Variants in SLC66A3 observed in about 807,000 individuals in gnomAD.
The protein encoded by SLC66A3 is PQ loop repeat containing 3.
In SLC66A3, 23 loss-of-function variants were observed where a neutral mutation model predicts 25.5. The ratio of observed to expected loss-of-function variants is 0.90; its 90% CI spans 0.65 to 1.28. The LOEUF is 1.28. SLC66A3 is among the 50% of genes most tolerant of loss of function. The pLI, the probability that SLC66A3 is intolerant of heterozygous loss-of-function variation, is 0.00. For synonymous variants in SLC66A3, 108 were observed against 112.6 expected, an observed-to-expected ratio of 0.96 and a Z score of 0.26; for missense variants, 246 against 262.1, an observed-to-expected ratio of 0.94 and a Z score of 0.42.
chr2:11,176,944 GAAGTT>G (rs1416127108), intron 6 of SLC66A3, among the ~76,000 whole-genome samples: 2 of 152,194 alleles, frequency 1.3e-5, no homozygotes, highest in African/African-American at 4.8e-5. Flanking sequence ...CCTTAAAGTA[GAAGTT>G]AAGTCACTGT....
chr2:11,172,528 A>AATAC (rs1183710723), intron 5 of SLC66A3, among the ~76,000 whole-genome samples: 1 of 152,200 alleles, frequency 6.6e-6, no homozygotes, highest in Non-Finnish European at 1.5e-5. Flanking sequence ...AACTACCTAA[A>AATAC]ATACATATAT....
intron 1 of SLC66A3, among the ~76,000 whole-genome samples, chr2:11,157,334 G>A (rs1344764714): frequency 1.3e-5 from 2 of 152,350 alleles, no homozygotes; most frequent in African/African-American, 2.4e-5. Flanking sequence ...AGTTGATCAC[G>A]TGCAGGTAAA....
chr2:11,164,346 T>TATATATA (rs1553289115), intron 4 of SLC66A3, 85 bp downstream of exon 4: 3 of 76,794 alleles, frequency 3.9e-5, no homozygotes, highest in Admixed American at 7.7e-4. Context: ...TATATATATA[T>TATATATA]TTTTTTTTTT....
At chr2:11,176,521 A>G (rs1470152146) in intron 6 of SLC66A3, among the ~76,000 whole-genome samples, 12 of 135,210 alleles carry the variant, frequency 8.9e-5, no homozygotes, top group Admixed American at 3.1e-4. Context: ...CGGCCTGGGA[A>G]TAACTTTTTT....
intron 4 of SLC66A3, among the ~76,000 whole-genome samples, chr2:11,166,367 A>G (rs941274889): frequency 2.6e-5 from 4 of 152,108 alleles, no homozygotes; most frequent in Non-Finnish European, 5.9e-5. Context: ...GACAGAAGTG[A>G]ACGTTTCTAC....
intron 4 of SLC66A3, 80 bp downstream of exon 4, chr2:11,164,341 A>ATTTTTTTTTTTT (rs1440192829): frequency 1.0e-3 from 123 of 121,052 alleles, no homozygotes; most frequent in African/African-American, 5.8e-3. Flanking sequence ...ATATATATAT[A>ATTTTTTTTTTTT]TATATTTTTT....
At chr2:11,161,532 T>C (rs1662130165) in intron 3 of SLC66A3, among the ~76,000 whole-genome samples, 1 of 152,012 alleles carries the variant, frequency 6.6e-6, no homozygotes, top group Non-Finnish European at 1.5e-5. Context: ...TAACCTTTTT[T>C]TTAAGAGACA....
intron 5 of SLC66A3, among the ~76,000 whole-genome samples, chr2:11,174,410 C>T (rs1300656336): frequency 6.6e-6 from 1 of 152,228 alleles, no homozygotes; most frequent in Non-Finnish European, 1.5e-5. Flanking sequence ...CCGCAGGCAG[C>T]GCTCGAGTAC....
At chr2:11,176,619 C>G (rs1403567738) in intron 6 of SLC66A3, among the ~76,000 whole-genome samples, 1 of 145,490 alleles carries the variant, frequency 6.9e-6, no homozygotes, top group Non-Finnish European at 1.5e-5. Flanking sequence ...AGCTCCGCCT[C>G]CCGGGTTCAC....
chr2:11,160,282 A>G lies in SLC66A3; in HGVS notation c.144-184A>G, dbSNP rs200234618. 3.2e-5 allele frequency: 20 copies of G among 632,554 alleles called. No individual in the cohort carries two copies. In the East Asian group the frequency reaches 5.5e-4, roughly 17 times the overall value. 39.2% of individuals were successfully genotyped at this position (632,554 alleles called of 1,614,324 possible). On this transcript the variant is annotated intron_variant, in intron 1 of 6. Transcript: ENST00000295083. ...TGCCCAGTAAGTTCTGGATGCTCCAAAAATTGTACAGATGATTCAACTGAA... is the reference window on the plus strand; with the variant it reads ...TGCCCAGTAAGTTCTGGATGCTCCAGAAATTGTACAGATGATTCAACTGAA...
At chr2:11,167,917 G>A (rs905778443) in intron 4 of SLC66A3, among the ~76,000 whole-genome samples, 1 of 152,162 alleles carries the variant, frequency 6.6e-6, no homozygotes, top group Non-Finnish European at 1.5e-5. Flanking sequence ...CCTAAACTGT[G>A]CTTTCATGGT....
intron 1 of SLC66A3, among the ~76,000 whole-genome samples, chr2:11,158,535 G>A (rs561633967): frequency 3.3e-5 from 5 of 152,336 alleles, no homozygotes; most frequent in African/African-American, 7.2e-5. Flanking sequence ...GGTGGCTGGC[G>A]CCTGTAGTCC....
In SLC66A3 at chr2:11,155,662, T is replaced by G. The variant is rs1351970686; in HGVS notation, c.116T>G (p.Leu39Arg). 6.8e-7 allele frequency: 1 copy of G among 1,470,060 alleles called. No homozygotes were observed. Among genetic ancestry groups the G allele is most frequent in the Non-Finnish European group, 9.0e-7 (1 of 1,117,210 alleles). The allele number at this position is 1,470,060 out of a possible 1,614,324, so 91.1% of individuals were successfully genotyped here. Residue 39 changes from leucine (L) to arginine (R), a missense_variant, in exon 1 of 7, where the codon CTT becomes CGT. By Grantham distance (102) the Leu-to-Arg change is moderately radical. This residue lies in a region of SLC66A3 where 142 missense variants were observed against 130.3 expected (regional missense o/e 1.09). Coordinates refer to ENST00000295083, the MANE Select transcript of SLC66A3 (RefSeq NM_152391.5). ...GCGCGCAGCGCGCGGGGCCTCAGCCTTCCGAGTTTACTTCTGGAGCTGGCA... is the reference window on the plus strand; with the variant it reads ...GCGCGCAGCGCGCGGGGCCTCAGCCGTCCGAGTTTACTTCTGGAGCTGGCA... The part of the protein sequence containing the change: ...LAARSARGLS[L>R]PSLLLELAGF...
intron 1 of SLC66A3, chr2:11,160,200 G>C: frequency 1.9e-6 from 1 of 538,548 alleles, no homozygotes; most frequent in South Asian, 2.3e-5. Context: ...AAAATCCTTT[G>C]TAAGCGACCA....
intron 5 of SLC66A3, among the ~76,000 whole-genome samples, chr2:11,174,240 G>C (rs1330967818): frequency 6.6e-6 from 1 of 152,194 alleles, no homozygotes; most frequent in Non-Finnish European, 1.5e-5. Context: ...ACAGGCGTGA[G>C]CCACTGTGCC....
In SLC66A3 at chr2:11,168,165, G is replaced by A. The variant is rs181967919; in HGVS notation, c.355-3760G>A. On this transcript the variant is annotated intron_variant, in intron 4 of 6. Coordinates refer to ENST00000295083, the MANE Select transcript of SLC66A3 (RefSeq NM_152391.5). ...CCGGGTGTGGTGGCGGGCACCTGTA[G>A]TCCCAGCTACTCAGGAGGGTGAGGC... is the stretch of plus-strand genomic sequence containing the variant. 2.3e-3 allele frequency among the ~76,000 whole-genome samples: 355 copies of A among 151,870 alleles called. 2 individuals carry two copies. In the East Asian group the frequency reaches 0.029, roughly 13 times the overall value.
chr2:11,173,154 C>T (rs894501467), intron 5 of SLC66A3, among the ~76,000 whole-genome samples: 22 of 152,158 alleles, frequency 1.4e-4, no homozygotes, highest in Admixed American at 1.2e-3. Context: ...TGAGCCACCG[C>T]GCCCAGCCAA....
chr2:11,167,544 A>G (rs969893843), intron 4 of SLC66A3, among the ~76,000 whole-genome samples: 7 of 151,968 alleles, frequency 4.6e-5, no homozygotes, highest in Non-Finnish European at 8.8e-5. Context: ...TATTCTAACT[A>G]TAACATTGAT....
chr2:11,166,833 T>C (rs1662361986), intron 4 of SLC66A3, among the ~76,000 whole-genome samples: 1 of 152,202 alleles, frequency 6.6e-6, no homozygotes, highest in Non-Finnish European at 1.5e-5. Flanking sequence ...AGGCGGAGCT[T>C]GCAGTGAGCC....
Sources: allele counts gnomAD v4.1 joint callset (sites outside exome capture counted in the v4.1 genomes callset), GRCh38; gene constraint gnomAD v4.1.1; regional missense constraint gnomAD v4.1.1; transcripts MANE v1.5; gene names NCBI Gene and HGNC (gene_info 2026-07-23, HGNC 2026-07-21).